CDH13: variants seen among roughly 807,000 people sequenced by gnomAD.
The protein encoded by CDH13 is cadherin-13.
CDH13 carries 24 observed loss-of-function variants against 63.8 expected under a neutral mutation model. That is an observed-to-expected ratio of 0.38 (90% CI 0.27 to 0.53). The LOEUF (loss-of-function observed/expected upper bound fraction) is 0.53. Among genes scored for constraint, CDH13 ranks in the 20% least tolerant of loss-of-function variants. The pLI, the probability that CDH13 is intolerant of heterozygous loss-of-function variation, is 0.85. For missense variants in CDH13, 1,049 were observed against 903.1 expected, an observed-to-expected ratio of 1.16 and a Z score of -2.07; for synonymous variants, 503 against 355.3, an observed-to-expected ratio of 1.42 and a Z score of -4.67.
chr16:82,897,521 C>A (rs2041309633), intron 2 of CDH13, among the ~76,000 whole-genome samples: 1 of 152,222 alleles, frequency 6.6e-6, no homozygotes. Context: ...AGTTTTACAG[C>A]AACGCTGGGA....
intron 7 of CDH13, among the ~76,000 whole-genome samples, chr16:83,489,589 A>G (rs2073963792): frequency 1.3e-5 from 2 of 152,166 alleles, no homozygotes; most frequent in Admixed American, 1.3e-4. Flanking sequence ...GAGGGTAAAA[A>G]ACTTGCACAT....
At position 83,076,027 on chromosome 16, in the gene CDH13, C is replaced by T. The variant is rs955035073; in HGVS notation, c.366+43809C>T. Among the ~76,000 whole-genome samples, 4 of 152,126 alleles carry T rather than the reference C, an allele frequency of 2.6e-5. 1 individual carries two copies. The highest frequency in any genetic ancestry group is 5.9e-5 in the Non-Finnish European group (4 of 68,020). ...GTGTTAAGGGAAGTATGCAAAATGGCTGAAAGCTGACAAATGGCAGAGCCA... is the reference window on the plus strand; with the variant it reads ...GTGTTAAGGGAAGTATGCAAAATGGTTGAAAGCTGACAAATGGCAGAGCCA... On this transcript the variant is annotated intron_variant, in intron 3 of 13. Coordinates refer to ENST00000567109, the MANE Select transcript of CDH13 (RefSeq NM_001257.5).
chr16:83,280,362 G>C (rs1291150079), intron 5 of CDH13, among the ~76,000 whole-genome samples: 1 of 152,162 alleles, frequency 6.6e-6, no homozygotes, highest in Non-Finnish European at 1.5e-5. Flanking sequence ...TTATCCATAA[G>C]AGCAATTCTT....
chr16:83,575,777 A>G (rs1905048622), intron 7 of CDH13, among the ~76,000 whole-genome samples: 1 of 152,082 alleles, frequency 6.6e-6, no homozygotes, highest in South Asian at 2.1e-4. Context: ...CTATCATTTC[A>G]CCATTAGAAT....
intron 3 of CDH13, among the ~76,000 whole-genome samples, chr16:83,116,250 G>A (rs1300812748): frequency 1.3e-5 from 2 of 152,164 alleles, no homozygotes; most frequent in Non-Finnish European, 2.9e-5. Context: ...GTTGGCTCCC[G>A]GGAAATAGAC....
chr16:82,971,230 G>C (rs1380351171), intron 2 of CDH13, among the ~76,000 whole-genome samples: 1 of 152,196 alleles, frequency 6.6e-6, no homozygotes, highest in Non-Finnish European at 1.5e-5. Flanking sequence ...TTCAGTTCTA[G>C]TTATCCACAT....
intron 2 of CDH13, among the ~76,000 whole-genome samples, chr16:83,022,586 C>T (rs970731105): frequency 6.6e-6 from 1 of 152,202 alleles, no homozygotes; most frequent in Non-Finnish European, 1.5e-5. Context: ...AAGTCCTTCT[C>T]TTCTGTGTGT....
chr16:82,838,730 A>G (rs906313616), intron 1 of CDH13, among the ~76,000 whole-genome samples: 2 of 152,126 alleles, frequency 1.3e-5, no homozygotes, highest in African/African-American at 4.8e-5. Flanking sequence ...TTTTTGGCCT[A>G]GGTTGTCCCA....
chr16:83,139,937 A>T (rs958119406), intron 4 of CDH13, among the ~76,000 whole-genome samples: 40 of 152,138 alleles, frequency 2.6e-4, no homozygotes, highest in African/African-American at 8.2e-4. Flanking sequence ...AGGAGGCAGA[A>T]GTTGTGGTGA....
intron 1 of CDH13, among the ~76,000 whole-genome samples, chr16:82,669,069 T>G (rs980263941): frequency 6.6e-6 from 1 of 152,236 alleles, no homozygotes; most frequent in African/African-American, 2.4e-5. Flanking sequence ...AAGCCACGGA[T>G]GAGCCTTGAA....
chr16:83,353,575 A>G (rs952647584), intron 6 of CDH13, among the ~76,000 whole-genome samples: 1 of 152,236 alleles, frequency 6.6e-6, no homozygotes, highest in Admixed American at 6.5e-5. Context: ...AATAACTGTG[A>G]AAACAACTCT....
chr16:83,503,041 G>T (rs185173752), intron 7 of CDH13, among the ~76,000 whole-genome samples: 2 of 152,204 alleles, frequency 1.3e-5, no homozygotes, highest in African/African-American at 4.8e-5. Context: ...CATAAATCCA[G>T]CCTTACAAAG....
chr16:82,765,640 T>C (rs991095146), intron 1 of CDH13, among the ~76,000 whole-genome samples: 1 of 152,184 alleles, frequency 6.6e-6, no homozygotes, highest in African/African-American at 2.4e-5. Flanking sequence ...GTATAATTTT[T>C]TATACTATAA....
At chr16:83,042,887 G>A (rs1177632572) in intron 3 of CDH13, among the ~76,000 whole-genome samples, 3 of 152,194 alleles carry the variant, frequency 2.0e-5, no homozygotes, top group African/African-American at 7.2e-5. Context: ...AAGAAATGAT[G>A]AGTTAAAGAT....
At chr16:82,859,879 A>T (rs2039865737) in intron 2 of CDH13, among the ~76,000 whole-genome samples, 1 of 152,206 alleles carries the variant, frequency 6.6e-6, no homozygotes, top group African/African-American at 2.4e-5. Context: ...TCCCGATGAA[A>T]TGACGCCAAT....
chr16:82,950,083 G>A (rs1905135853), intron 2 of CDH13, among the ~76,000 whole-genome samples: 1 of 152,068 alleles, frequency 6.6e-6, no homozygotes, highest in South Asian at 2.1e-4. Flanking sequence ...CAAACTGGGT[G>A]GCTTAAACAA....
chr16:83,184,882 CGT>C (rs71272419), intron 4 of CDH13, among the ~76,000 whole-genome samples: 3,384 of 144,624 alleles, frequency 0.023, 101 homozygotes, highest in South Asian at 0.14. Context: ...ATGTCTAAGC[CGT>C]GTGTGTGTGT....
intron 6 of CDH13, among the ~76,000 whole-genome samples, chr16:83,407,085 A>G (rs759480231): frequency 2.6e-5 from 4 of 152,210 alleles, no homozygotes; most frequent in Non-Finnish European, 5.9e-5. Context: ...ATGTATATTC[A>G]ACAGATAATT....
intron 8 of CDH13, among the ~76,000 whole-genome samples, chr16:83,666,500 G>C (rs1249726422): frequency 6.6e-6 from 1 of 152,062 alleles, no homozygotes; most frequent in African/African-American, 2.4e-5. Context: ...CCTTGATTAG[G>C]CTACACTTTG....
Sources: gnomAD v4.1 joint callset for allele counts (sites outside exome capture counted in the v4.1 genomes callset) on GRCh38, gnomAD v4.1.1 for gene constraint, MANE v1.5 for transcripts, NCBI Gene and HGNC (gene_info 2026-07-23, HGNC 2026-07-21) for gene names.